The following BCAS3 variants were observed in gnomAD, a reference collection of about 807,000 sequenced individuals.
The protein encoded by BCAS3 is BCAS3 microtubule associated cell migration factor.
Under a neutral mutation model 116.1 loss-of-function variants are expected in BCAS3, and 53 were observed. That is an observed-to-expected ratio of 0.46 (90% CI 0.37 to 0.57). The LOEUF (loss-of-function observed/expected upper bound fraction) is 0.57. BCAS3 is among the 20% of genes least tolerant of loss of function. The pLI, the probability that BCAS3 is intolerant of heterozygous loss-of-function variation, is 0.00. For synonymous variants in BCAS3, 391 were observed against 408.2 expected (o/e 0.96, Z 0.51); for missense variants, 917 against 1,165.4 (o/e 0.79, Z 3.10).
At chr17:60,947,749 A>G (rs2060591444) in intron 14 of BCAS3, among the ~76,000 whole-genome samples, 1 of 152,228 alleles carries the variant, frequency 6.6e-6, no homozygotes, top group African/African-American at 2.4e-5. Flanking sequence ...AAACATGGAC[A>G]TATTCATATA....
chr17:60,782,156 AAAAAC>A (rs2045891644), intron 6 of BCAS3, among the ~76,000 whole-genome samples: 1 of 151,220 alleles, frequency 6.6e-6, no homozygotes, highest in Non-Finnish European at 1.5e-5. Context: ...ATATGACTTT[AAAAAC>A]TACTTTTGTT....
chr17:60,747,169 T>G, intron 5 of BCAS3, 29 bp from the exon 6 acceptor site: 1 of 1,493,324 alleles, frequency 6.7e-7, no homozygotes, highest in Non-Finnish European at 9.3e-7. Flanking sequence ...ATTTTCCCAC[T>G]GAAATATTTT....
rs1339438570 is a variant in BCAS3 at position 61,063,119 on chromosome 17, A to T, written c.2030-11801A>T. Among the ~76,000 whole-genome samples, 1 of 152,142 alleles carries T rather than the reference A, an allele frequency of 6.6e-6. No homozygotes were observed. Among genetic ancestry groups the T allele is most frequent in the Non-Finnish European group, 1.5e-5 (1 of 68,032 alleles). ...ACAAACTGCCTCAAGCATCCTAAAA[A>T]ACTGTTGCCGTGACCTTTGCTCTTG... On this transcript the variant is annotated intron_variant, in intron 19 of 23. Coordinates refer to ENST00000407086, the MANE Select transcript of BCAS3 (RefSeq NM_017679.5). This position sits in a 1 kb window ranked among gnomAD's most constrained non-coding sequence, Gnocchi z 5.3.
chr17:60,998,849 T>G (rs930235707), intron 15 of BCAS3, among the ~76,000 whole-genome samples: 3 of 152,196 alleles, frequency 2.0e-5, no homozygotes, highest in Non-Finnish European at 2.9e-5. Flanking sequence ...TTTTTTTTGT[T>G]GCATTTGCTT....
intron 22 of BCAS3, among the ~76,000 whole-genome samples, chr17:61,301,355 C>G (rs556303203): frequency 6.6e-6 from 1 of 152,132 alleles, no homozygotes; most frequent in Non-Finnish European, 1.5e-5. Context: ...TGATTTCGGC[C>G]GGGCACGGTG....
chr17:61,233,562 G>A lies in BCAS3; in HGVS notation c.2426-134765G>A, dbSNP rs938499474. ...AAGGTGGAGCCAGTAGACTTGATTT[G>A]GAGATGAAGCATATACCGAACTTGA... is the stretch of plus-strand genomic sequence containing the variant. On this transcript the variant is annotated intron_variant, in intron 22 of 23. Transcript: ENST00000407086. This position sits in a 1 kb window ranked among gnomAD's most constrained non-coding sequence, Gnocchi z 4.3. Among the ~76,000 whole-genome samples the A allele has an allele frequency of 6.6e-6, 1 of 152,172 alleles. No homozygotes were observed. Among genetic ancestry groups the A allele is most frequent in the South Asian group, 2.1e-4 (1 of 4,828 alleles).
At chr17:61,389,927 C>T (rs1195318654) in intron 23 of BCAS3, 1 of 152,282 alleles carries the variant, frequency 6.6e-6, no homozygotes, top group Non-Finnish European at 1.5e-5. Flanking sequence ...GATGTGGAGG[C>T]ATTTTGCATC....
Position 61,214,608 on chromosome 17 carries a change from A to T in BCAS3, c.2425+130044A>T, listed in dbSNP as rs991312847. On this transcript the variant is annotated intron_variant, in intron 22 of 23. Transcript: ENST00000407086. This position sits in a 1 kb window ranked among gnomAD's most constrained non-coding sequence, Gnocchi z 4.4. Reference sequence around the variant, plus strand: ...CCGGAGGCTGAGGCAGAAGAACAGCATGAACCTGGGAGGCGGAGCTTGCAG... The same window carrying T: ...CCGGAGGCTGAGGCAGAAGAACAGCTTGAACCTGGGAGGCGGAGCTTGCAG... Among the ~76,000 whole-genome samples the T allele has an allele frequency of 2.0e-5, 3 of 149,298 alleles. No individual in the cohort carries two copies. Among genetic ancestry groups the T allele is most frequent in the African/African-American group, 7.4e-5 (3 of 40,398 alleles).
rs1046357057 is a variant in BCAS3 at position 61,205,831 on chromosome 17, T to G, written c.2425+121267T>G. On this transcript the variant is annotated intron_variant, in intron 22 of 23. Coordinates refer to ENST00000407086, the MANE Select transcript of BCAS3 (RefSeq NM_017679.5). This position sits in a 1 kb window ranked among gnomAD's most constrained non-coding sequence, Gnocchi z 5.2. ...GCCAGGCAAGGACTGAATAGGTGAA[T>G]AGTCATTGTATTCTTAGGGTGTGAA... is the stretch of plus-strand genomic sequence containing the variant. Among the ~76,000 whole-genome samples the G allele has an allele frequency of 6.6e-6, 1 of 152,166 alleles. No homozygotes were observed. Among genetic ancestry groups the G allele is most frequent in the African/African-American group, 2.4e-5 (1 of 41,428 alleles).
chr17:61,256,837 C>G lies in BCAS3; in HGVS notation c.2426-111490C>G, dbSNP rs141336615. On this transcript the variant is annotated intron_variant, in intron 22 of 23. Coordinates refer to ENST00000407086, the MANE Select transcript of BCAS3 (RefSeq NM_017679.5). This position sits in a 1 kb window ranked among gnomAD's most constrained non-coding sequence, Gnocchi z 5.6. ...TGATCTTCTCAGGCCTCAACCCCAG[C>G]CCATGCAGATGGTATTTGAGCCACT... Among the ~76,000 whole-genome samples, 982 of 152,242 alleles carry G rather than the reference C, an allele frequency of 6.5e-3. 4 individuals are homozygous for G. Among genetic ancestry groups the G allele is most frequent in the African/African-American group, 0.022 (931 of 41,568 alleles).
At chr17:60,881,365 C>T (rs983153420) in intron 9 of BCAS3, among the ~76,000 whole-genome samples, 1 of 151,782 alleles carries the variant, frequency 6.6e-6, no homozygotes, top group African/African-American at 2.4e-5. Flanking sequence ...TTCTTTTGTC[C>T]TATATAAGAA....
intron 6 of BCAS3, among the ~76,000 whole-genome samples, chr17:60,800,824 T>C (rs1287069183): frequency 6.6e-6 from 1 of 152,162 alleles, no homozygotes; most frequent in East Asian, 1.9e-4. Context: ...TTGTTGACTA[T>C]TCTTCCTCCA....
chr17:60,768,086 C>T (rs1434543451), intron 6 of BCAS3, among the ~76,000 whole-genome samples: 8 of 152,166 alleles, frequency 5.3e-5, no homozygotes, highest in Admixed American at 2.0e-4. Flanking sequence ...TGTCAGACAC[C>T]GTGCCCATCA....
intron 7 of BCAS3, among the ~76,000 whole-genome samples, chr17:60,863,360 T>C (rs968335104): frequency 1.3e-5 from 2 of 152,148 alleles, no homozygotes; most frequent in Admixed American, 6.5e-5. Context: ...TCAGAGATAT[T>C]ATATAGTGTA....
chr17:60,747,718 A>G (rs1213500461), intron 6 of BCAS3, among the ~76,000 whole-genome samples: 1 of 152,042 alleles, frequency 6.6e-6, no homozygotes, highest in Non-Finnish European at 1.5e-5. Context: ...AGTTATACTT[A>G]TGCCATGGAG....
Position 61,326,229 on chromosome 17 carries a change from A to G in BCAS3, c.2426-42098A>G, listed in dbSNP as rs16945139. ...AAGGGTATGCAGGGAGAGTTTCCCT[A>G]AGGAGGTCCCATTTAAGCTTGGCTC... On this transcript the variant is annotated intron_variant, in intron 22 of 23. Transcript: ENST00000407086. This position sits in a 1 kb window ranked among gnomAD's most constrained non-coding sequence, Gnocchi z 5.3. Among the ~76,000 whole-genome samples, 1,045 of 152,332 alleles carry G rather than the reference A, an allele frequency of 6.9e-3. 40 individuals carry two copies. In the East Asian group the frequency reaches 0.11, roughly 16 times the overall value.
At position 61,205,238 on chromosome 17, in the gene BCAS3, CTAAATTGG is replaced by C. The variant is rs2081056354; in HGVS notation, c.2425+120675_2425+120682del. 6.6e-6 allele frequency among the ~76,000 whole-genome samples: 1 copy of C among 152,082 alleles called. No individual in the cohort carries two copies. Among genetic ancestry groups the C allele is most frequent in the South Asian group, 2.1e-4 (1 of 4,830 alleles). On this transcript the variant is annotated intron_variant, in intron 22 of 23. Transcript: ENST00000407086. This position sits in a 1 kb window ranked among gnomAD's most constrained non-coding sequence, Gnocchi z 5.2. ...AGAGCCAGAACAGACAGAATATATCCTAAATTGGATACAGCCAGAGAATAGTTTACTGA... is the reference window on the plus strand; with the variant it reads ...AGAGCCAGAACAGACAGAATATATCCATACAGCCAGAGAATAGTTTACTGA...
chr17:60,748,664 T>C (rs1409636622), intron 6 of BCAS3, among the ~76,000 whole-genome samples: 1 of 152,194 alleles, frequency 6.6e-6, no homozygotes, highest in African/African-American at 2.4e-5. Context: ...TGAAGTTATT[T>C]TGTTTATGTG....
In BCAS3 at chr17:61,078,314, C is replaced by T; in HGVS notation, c.2131-19C>T. On this transcript the variant is annotated intron_variant, in intron 20 of 23. Transcript: ENST00000407086. ...CAGGATCACAAACCATTTAAATCATCATTGCTACTCCATTCCAGGTTGAAA... is the reference window on the plus strand; with the variant it reads ...CAGGATCACAAACCATTTAAATCATTATTGCTACTCCATTCCAGGTTGAAA... 6.3e-7 allele frequency: 1 copy of T among 1,591,130 alleles called. No homozygotes were observed. The highest frequency in any genetic ancestry group is 1.3e-5 in the African/African-American group (1 of 74,468).
Sources: gnomAD v4.1 joint callset for allele counts (sites outside exome capture counted in the v4.1 genomes callset) on GRCh38, gnomAD v4.1.1 for gene constraint, Gnocchi (gnomAD v3.1) non-coding constraint, MANE v1.5 for transcripts, NCBI Gene and HGNC (gene_info 2026-07-23, HGNC 2026-07-21) for gene names.